Variants in ANO6 observed in about 807,000 individuals in gnomAD.
The protein encoded by ANO6 is anoctamin 6.
In ANO6, 106 loss-of-function variants were observed where a neutral mutation model predicts 117.5. The observed-to-expected ratio is 0.90, with a 90% CI of 0.77 to 1.06. The LOEUF (loss-of-function observed/expected upper bound fraction) is 1.06. ANO6 is among the 50% of genes least tolerant of loss of function. The probability of loss-of-function intolerance (pLI) is 0.00; values close to 1 mark genes in which losing one functional copy is unlikely to be tolerated. For synonymous variants in ANO6, 367 were observed against 385.1 expected (o/e 0.95, Z 0.55); for missense variants, 955 against 1,121.1 (o/e 0.85, Z 2.12).
chr12:45,236,134 T>C (rs1031820643), intron 1 of ANO6, among the ~76,000 whole-genome samples: 5 of 152,224 alleles, frequency 3.3e-5, no homozygotes, highest in Admixed American at 6.5e-5. Flanking sequence ...CTGGCTCAAA[T>C]TTTAATTTTC....
intron 2 of ANO6, among the ~76,000 whole-genome samples, chr12:45,316,450 G>T (rs1940029463): frequency 6.6e-6 from 1 of 152,030 alleles, no homozygotes; most frequent in Non-Finnish European, 1.5e-5. Flanking sequence ...TAGGAAGAGG[G>T]AACTGCATGT....
At chr12:45,345,478 G>A (rs767107316) in intron 3 of ANO6, among the ~76,000 whole-genome samples, 13 of 152,092 alleles carry the variant, frequency 8.5e-5, no homozygotes, top group Admixed American at 7.2e-4. Flanking sequence ...AGATGATCTC[G>A]ACCTGGACCT....
intron 1 of ANO6, 104 bp downstream of exon 1, chr12:45,216,495 C>G (rs1947314449): frequency 6.8e-6 from 9 of 1,331,952 alleles, no homozygotes; most frequent in South Asian, 6.5e-5. Flanking sequence ...GGAGGTTGGC[C>G]GAGACGCTCG....
chr12:45,397,035 A>G (rs546126860), intron 12 of ANO6, among the ~76,000 whole-genome samples: 74 of 152,342 alleles, frequency 4.9e-4, no homozygotes, highest in Admixed American at 2.1e-3. Context: ...AGCAAAAGAA[A>G]CTACCATCAG....
chr12:45,246,008 A>T (rs189689571), intron 1 of ANO6, among the ~76,000 whole-genome samples: 29 of 152,162 alleles, frequency 1.9e-4, no homozygotes, highest in Admixed American at 1.4e-3. Flanking sequence ...GTACATTAAT[A>T]TTACTAATAA....
chr12:45,392,686 G>C (rs1942487123), intron 12 of ANO6, among the ~76,000 whole-genome samples: 1 of 152,216 alleles, frequency 6.6e-6, no homozygotes, highest in Admixed American at 6.5e-5. Context: ...CTGTTCTGCA[G>C]CCTCCGCTGG....
intron 3 of ANO6, chr12:45,335,616 G>A (rs1475405979): frequency 6.6e-6 from 1 of 151,974 alleles, no homozygotes; most frequent in Non-Finnish European, 1.5e-5. Context: ...TTCAGATGTG[G>A]GATGCTCAGC....
chr12:45,384,526 G>C (rs1359906223), intron 10 of ANO6, among the ~76,000 whole-genome samples: 3 of 152,152 alleles, frequency 2.0e-5, no homozygotes, highest in Non-Finnish European at 4.4e-5. Flanking sequence ...AGCCATTGTA[G>C]GGTTATTAAT....
chr12:45,332,636 G>A (rs1940705554), intron 3 of ANO6, among the ~76,000 whole-genome samples: 2 of 151,992 alleles, frequency 1.3e-5, no homozygotes, highest in African/African-American at 2.4e-5. Context: ...CAAAAACAGA[G>A]TGTTTATTGT....
rs150696471 is a variant in ANO6, at chr12:45,378,887, C to A, written c.1165+774C>A. Reference sequence around the variant, plus strand: ...GCTACTCGTATAATAACAACAAACTCTACTTACTAACTAGAACAGATATAA... The same window carrying A: ...GCTACTCGTATAATAACAACAAACTATACTTACTAACTAGAACAGATATAA... On this transcript the variant is annotated intron_variant, in intron 10 of 19. Transcript: ENST00000320560. Among the ~76,000 whole-genome samples the A allele has an allele frequency of 8.4e-4, 128 of 152,312 alleles. 1 individual carries two copies. Among genetic ancestry groups the A allele is most frequent in the South Asian group, 4.1e-3 (20 of 4,824 alleles).
intron 12 of ANO6, among the ~76,000 whole-genome samples, chr12:45,393,391 A>G (rs1942512084): frequency 6.6e-6 from 1 of 152,218 alleles, no homozygotes; most frequent in Non-Finnish European, 1.5e-5. Flanking sequence ...AAAGTGACAG[A>G]GAGAATGGAA....
intron 1 of ANO6, among the ~76,000 whole-genome samples, chr12:45,238,331 A>T (rs1947681043): frequency 6.6e-6 from 1 of 151,572 alleles, no homozygotes; most frequent in South Asian, 2.1e-4. Context: ...TTCTATTTTT[A>T]GTAGAGACGG....
chr12:45,434,054 T>C (rs1943679845), downstream of ANO6, among the ~76,000 whole-genome samples: 1 of 152,224 alleles, frequency 6.6e-6, no homozygotes, highest in African/African-American at 2.4e-5. Flanking sequence ...GATTTGATTT[T>C]TGTCACTTTA....
chr12:45,315,444 G>A (rs991122617), intron 2 of ANO6, among the ~76,000 whole-genome samples: 6 of 151,938 alleles, frequency 3.9e-5, no homozygotes, highest in African/African-American at 1.5e-4. Context: ...GGGTGAGGGA[G>A]AAGCGAATCA....
In ANO6 at chr12:45,403,458, T is replaced by G. The variant is rs1192643525; in HGVS notation, c.1802T>G (p.Leu601Arg). The change falls in exon 15 of 20, where the codon CTT becomes CGT. Residue 601 changes from leucine (L) to arginine (R), a missense_variant. Leu to Arg is a moderately radical substitution (Grantham distance 102, BLOSUM62 -2). Transcript: ENST00000320560. ...RNEECDPGGCLLELTTQLTII... is the reference protein window; with the variant it reads ...RNEECDPGGCRLELTTQLTII... The stretch of plus-strand genomic sequence containing the variant: ...TTCTAGTGTGACCCAGGTGGCTGTC[T>G]TCTTGAACTGACAACTCAGCTGACA... The G allele has an allele frequency of 3.1e-6, 5 of 1,613,760 alleles. No homozygotes were observed. The African/African-American group carries it at 5.3e-5, about 17-fold the overall frequency.
intron 17 of ANO6, among the ~76,000 whole-genome samples, chr12:45,418,740 A>G (rs1943278023): frequency 6.6e-6 from 1 of 152,134 alleles, no homozygotes; most frequent in Admixed American, 6.5e-5. Context: ...CAGTGTGTGT[A>G]TGTGTACAGA....
chr12:45,256,474 TC>T (rs1937832745), intron 1 of ANO6: 2 of 152,186 alleles, frequency 1.3e-5, no homozygotes, highest in African/African-American at 2.4e-5. Context: ...TTATTGCTGC[TC>T]ATATATAGAT....
chr12:45,366,115 G>GTTTTTTTTTTTTT (rs5797942), intron 8 of ANO6, among the ~76,000 whole-genome samples: 1 of 134,660 alleles, frequency 7.4e-6, no homozygotes, highest in African/African-American at 2.8e-5. Flanking sequence ...TGTTACTTGG[G>GTTTTTTTTTTTTT]TTTTTTTTTT....
At chr12:45,251,412 C>G (rs1013224046) in intron 1 of ANO6, among the ~76,000 whole-genome samples, 6 of 152,198 alleles carry the variant, frequency 3.9e-5, no homozygotes, top group Non-Finnish European at 5.9e-5. Flanking sequence ...CAGGGCTCAG[C>G]TGAGTGGTGT....
Sources: allele counts gnomAD v4.1 joint callset (sites outside exome capture counted in the v4.1 genomes callset), GRCh38; gene constraint gnomAD v4.1.1; transcripts MANE v1.5; gene names NCBI Gene and HGNC (gene_info 2026-07-23, HGNC 2026-07-21).